Variants in DPY19L2 observed in about 807,000 individuals in gnomAD.
The protein encoded by DPY19L2 is probable C-mannosyltransferase DPY19L2.
Under a neutral mutation model 97.9 loss-of-function variants are expected in DPY19L2, and 34 were observed. The ratio of observed to expected loss-of-function variants is 0.35; its 90% CI spans 0.26 to 0.46. The LOEUF (loss-of-function observed/expected upper bound fraction) is 0.46, where lower values mean the gene tolerates loss of function less well. Among genes scored for constraint, DPY19L2 ranks in the 20% least tolerant of loss-of-function variants. The pLI, the probability that DPY19L2 is intolerant of heterozygous loss-of-function variation, is 1.00. For missense variants in DPY19L2, 623 were observed against 911.4 expected (o/e 0.68, Z 4.07); for synonymous variants, 230 against 307.9 (o/e 0.75, Z 2.65).
At chr12:63,637,042 A>G (rs1891840768) in intron 6 of DPY19L2, among the ~76,000 whole-genome samples, 1 of 152,100 alleles carries the variant, frequency 6.6e-6, no homozygotes, top group Non-Finnish European at 1.5e-5. Context: ...AAAGTAAAGC[A>G]CTCCTCAGCA....
chr12:63,638,285 T>A (rs916526011), intron 6 of DPY19L2, among the ~76,000 whole-genome samples: 11 of 152,138 alleles, frequency 7.2e-5, no homozygotes, highest in Admixed American at 5.9e-4. Context: ...AGCATTCCCT[T>A]TGAAAACCAG....
chr12:63,655,653 G>A lies in DPY19L2; in HGVS notation c.588+5691C>T, dbSNP rs1266471368. ...ATATCAGGATCTGTGGCCTATTTTTGTACCAGTAATGTGAAAAGGATATTG... is the reference window on the plus strand; with the variant it reads ...ATATCAGGATCTGTGGCCTATTTTTATACCAGTAATGTGAAAAGGATATTG... On this transcript the variant is annotated intron_variant, in intron 4 of 21. Coordinates refer to ENST00000324472, the MANE Select transcript of DPY19L2 (RefSeq NM_173812.5). Among the ~76,000 whole-genome samples the A allele has an allele frequency of 2.6e-5, 4 of 151,658 alleles. No individual in the cohort carries two copies. The East Asian group carries it at 7.8e-4, about 30-fold the overall frequency.
chr12:63,634,052 G>A lies in DPY19L2; in HGVS notation c.804-7526C>T, dbSNP rs182622831. Among the ~76,000 whole-genome samples, 66 of 151,398 alleles carry A rather than the reference G, an allele frequency of 4.4e-4. 1 individual carries two copies. In the East Asian group the frequency reaches 9.2e-3, roughly 21 times the overall value. ...CACAGGAAGGGGAACATCACACACC[G>A]GGGCCTATTGTAGGGTGCGGGGAAG... On this transcript the variant is annotated intron_variant, in intron 6 of 21. Coordinates refer to ENST00000324472, the MANE Select transcript of DPY19L2 (RefSeq NM_173812.5).
chr12:63,645,956 G>C (rs1228836939), intron 5 of DPY19L2, among the ~76,000 whole-genome samples: 1 of 151,930 alleles, frequency 6.6e-6, no homozygotes, highest in East Asian at 1.9e-4. Flanking sequence ...TCTGATCCTT[G>C]CTTATATTCC....
intron 7 of DPY19L2, among the ~76,000 whole-genome samples, chr12:63,626,104 C>T (rs1450281739): frequency 6.6e-6 from 1 of 150,718 alleles, no homozygotes; most frequent in African/African-American, 2.4e-5. Context: ...TTAACTTTCT[C>T]TAAATTTAAA....
rs1425170667 is a variant in DPY19L2, at chr12:63,663,817, C to T, written c.391G>A (p.Asp131Asn). 6.2e-7 allele frequency: 1 copy of T among 1,603,900 alleles called. No individual in the cohort carries two copies. The highest frequency in any genetic ancestry group is 8.5e-7 in the Non-Finnish European group (1 of 1,176,948). Residue 131 changes from aspartate to asparagine, a missense_variant, in exon 3 of 22, where the codon GAT (aspartate) becomes AAT (asparagine). Physicochemically the swap from Asp to Asn is conservative, Grantham distance 23 (BLOSUM62 1). Coordinates refer to ENST00000324472, the MANE Select transcript of DPY19L2 (RefSeq NM_173812.5). ...GATGAGAGGTGAGAGAAATGACGATCATTTTCAAAAAGTGTTACTAAATGT... is the reference window on the plus strand; with the variant it reads ...GATGAGAGGTGAGAGAAATGACGATTATTTTCAAAAAGTGTTACTAAATGT... ...WLHLVTLFEN[D>N]RHFSHLSSLE... is the part of the protein sequence containing the mutation.
At chr12:63,585,439 T>G (rs1347954916) in intron 16 of DPY19L2, among the ~76,000 whole-genome samples, 2 of 151,550 alleles carry the variant, frequency 1.3e-5, no homozygotes, top group African/African-American at 4.9e-5. Context: ...TATGCAGTAG[T>G]TTTTTTTTAA....
At chr12:63,587,779 G>T (rs1043240409) in intron 16 of DPY19L2, among the ~76,000 whole-genome samples, 70 of 152,024 alleles carry the variant, frequency 4.6e-4, no homozygotes, top group African/African-American at 1.5e-3. Context: ...CACCGTGTTG[G>T]CCAGGATGGT....
At position 63,613,252 on chromosome 12, in the gene DPY19L2, A is replaced by G. The variant is rs1887303987; in HGVS notation, c.1218+4052T>C. 2.6e-5 allele frequency among the ~76,000 whole-genome samples: 4 copies of G among 152,290 alleles called. No individual in the cohort carries two copies. The South Asian group carries it at 8.3e-4, about 32-fold the overall frequency. The stretch of plus-strand genomic sequence containing the variant: ...ACTTAGGTGCAAAATCGTAAGTACA[A>G]TTTTAGAAAGCTGTATCCCACAAAA... On this transcript the variant is annotated intron_variant, in intron 11 of 21. Coordinates refer to ENST00000324472, the MANE Select transcript of DPY19L2 (RefSeq NM_173812.5).
intron 18 of DPY19L2, among the ~76,000 whole-genome samples, chr12:63,582,119 C>T (rs1437249557): frequency 6.6e-6 from 1 of 151,796 alleles, no homozygotes; most frequent in Admixed American, 6.6e-5. Context: ...CAAACCTGAA[C>T]TCTAAAAGGT....
At chr12:63,561,046 A>G (rs900817315) in intron 21 of DPY19L2, among the ~76,000 whole-genome samples, 1 of 152,158 alleles carries the variant, frequency 6.6e-6, no homozygotes, top group Non-Finnish European at 1.5e-5. Flanking sequence ...TTCCTGATGA[A>G]TTTCACATTT....
At chr12:63,610,939 A>G (rs1358795820) in intron 11 of DPY19L2, among the ~76,000 whole-genome samples, 1 of 149,928 alleles carries the variant, frequency 6.7e-6, no homozygotes, top group Non-Finnish European at 1.5e-5. Context: ...CATTTCCCCA[A>G]AGAATAAATA....
At chr12:63,613,666 AAAAC>A (rs960309478) in intron 11 of DPY19L2, among the ~76,000 whole-genome samples, 1 of 152,022 alleles carries the variant, frequency 6.6e-6, no homozygotes, top group African/African-American at 2.4e-5. Flanking sequence ...AATTTGAAAT[AAAAC>A]AAAAATAATT....
chr12:63,668,290 T>TC lies in DPY19L2; in HGVS notation c.103dup (p.Glu35GlyfsTer53), dbSNP rs1199005999. The TC allele has an allele frequency of 1.2e-6, 2 of 1,613,726 alleles. No individual in the cohort carries two copies. The highest frequency in any genetic ancestry group is 1.7e-6 in the Non-Finnish European group (2 of 1,179,822). On this transcript the variant is annotated frameshift_variant, in exon 1 of 22. Transcript: ENST00000324472. LOFTEE classifies it high-confidence loss of function. ...GCCTAGGGCCGACTTTTCCATCTCC[T>TC]CCTCTACCTCCGGCTCCCGGGCGAG...
At chr12:63,633,721 C>A (rs954954248) in intron 6 of DPY19L2, among the ~76,000 whole-genome samples, 1 of 152,084 alleles carries the variant, frequency 6.6e-6, no homozygotes, top group Admixed American at 6.5e-5. Flanking sequence ...TGGGTATATA[C>A]CCAAAGGATT....
chr12:63,624,117 C>T lies in DPY19L2; in HGVS notation c.876G>A (p.Met292Ile), dbSNP rs199562120. Reference sequence around the variant, plus strand: ...AACTTTCACGGAGAGGTGGTGTCCACATCACACGGGTGGCCTGAAATCAAC... The same window carrying T: ...AACTTTCACGGAGAGGTGGTGTCCATATCACACGGGTGGCCTGAAATCAAC... The part of the protein sequence containing the change: ...FFNHGEATRV[M>I]WTPPLRESFS... Residue 292 changes from methionine to isoleucine, a missense_variant, in exon 8 of 22, where the codon ATG becomes ATA. This residue lies in a region of DPY19L2 where 67 missense variants were observed against 88.0 expected (regional missense o/e 0.76). Transcript: ENST00000324472. 6.8e-6 allele frequency: 11 copies of T among 1,611,438 alleles called. No individual in the cohort carries two copies. The Admixed American group carries it at 1.7e-4, about 24-fold the overall frequency.
intron 3 of DPY19L2, 129 bp from the exon 4 acceptor site, chr12:63,661,610 C>T (rs1895692359): frequency 7.5e-6 from 5 of 663,558 alleles, no homozygotes; most frequent in South Asian, 3.1e-5. Context: ...AATCACTTCT[C>T]GCTATTTTGC....
chr12:63,589,357 CAAAAAAAAAAAAAAAAAAAAAA>C (rs71086687), intron 16 of DPY19L2, among the ~76,000 whole-genome samples: 18 of 18,994 alleles, frequency 9.5e-4, no homozygotes, highest in African/African-American at 2.3e-3. Context: ...AAATGTGTTG[CAAAAAAAAAAAAAAAAAAAAAA>C]AAAAAAAAAA....
chr12:63,638,374 GA>G (rs1892114927), intron 6 of DPY19L2, among the ~76,000 whole-genome samples: 1 of 152,136 alleles, frequency 6.6e-6, no homozygotes, highest in South Asian at 2.1e-4. Context: ...TCAGGCAAGA[GA>G]AAGAAATAAA....
Sources: allele counts gnomAD v4.1 joint callset (sites outside exome capture counted in the v4.1 genomes callset), GRCh38; gene constraint gnomAD v4.1.1; regional missense constraint gnomAD v4.1.1; transcripts MANE v1.5; gene names NCBI Gene and HGNC (gene_info 2026-07-23, HGNC 2026-07-21).